PTPRN2: variants seen among roughly 807,000 people sequenced by gnomAD.
PTPRN2 encodes the protein receptor-type tyrosine-protein phosphatase N2.
A neutral mutation model predicts 118.8 loss-of-function variants in PTPRN2; 74 were observed. That is an observed-to-expected ratio of 0.62 (90% CI 0.52 to 0.76). The LOEUF is 0.76. PTPRN2 is among the 30% of genes least tolerant of loss of function. PTPRN2 has a pLI of 0.00. For synonymous variants in PTPRN2, 641 were observed against 608.0 expected (o/e 1.05, Z -0.80); for missense variants, 1,481 against 1,394.4 (o/e 1.06, Z -0.99).
intron 15 of PTPRN2, chr7:157,616,228 C>G (rs1006394208): frequency 6.5e-6 from 1 of 153,574 alleles, no homozygotes; most frequent in South Asian, 2.0e-4. Context: ...AGAAAGAGAG[C>G]AAAGAGGATC....
chr7:157,692,595 G>A (rs1201779550), intron 12 of PTPRN2, among the ~76,000 whole-genome samples: 1 of 152,224 alleles, frequency 6.6e-6, no homozygotes, highest in African/African-American at 2.4e-5. Context: ...TATTTATAGG[G>A]CAAGGCCAGA....
Position 157,610,855 on chromosome 7 carries a change from G to A in PTPRN2, c.2345-6780C>T, listed in dbSNP as rs1802288257. 6.6e-6 allele frequency among the ~76,000 whole-genome samples: 1 copy of A among 152,216 alleles called. No homozygotes were observed. The highest frequency in any genetic ancestry group is 2.4e-5 in the African/African-American group (1 of 41,452). ...ACATTCTGCTTCCAACTATGCCTTTGGGAAATGCTCAGCTCAAGCTATAAA... is the reference window on the plus strand; with the variant it reads ...ACATTCTGCTTCCAACTATGCCTTTAGGAAATGCTCAGCTCAAGCTATAAA... On this transcript the variant is annotated intron_variant, in intron 15 of 22. Coordinates refer to ENST00000389418, the MANE Select transcript of PTPRN2 (RefSeq NM_002847.5). The surrounding 1 kb of genome is among the most constrained non-coding windows in gnomAD (Gnocchi z 5.1).
intron 12 of PTPRN2, among the ~76,000 whole-genome samples, chr7:157,745,132 GT>G: frequency 6.6e-6 from 1 of 152,314 alleles, no homozygotes; most frequent in African/African-American, 2.4e-5. Context: ...AGCTCCAGGA[GT>G]GGCCACCCCA....
intron 12 of PTPRN2, among the ~76,000 whole-genome samples, chr7:157,723,106 T>C (rs534621248): frequency 1.0e-3 from 159 of 152,340 alleles, no homozygotes; most frequent in Non-Finnish European, 1.9e-3. Flanking sequence ...TTAAGTCACA[T>C]TCAGAAATTC....
chr7:158,188,087 A>G (rs1421901814), intron 5 of PTPRN2, among the ~76,000 whole-genome samples: 2 of 151,486 alleles, frequency 1.3e-5, no homozygotes, highest in Non-Finnish European at 2.9e-5. Flanking sequence ...ATGAACCCCC[A>G]GTGGCCCCGT....
In PTPRN2 at chr7:158,348,868, C is replaced by T. The variant is rs1186903283; in HGVS notation, c.164-31936G>A. On this transcript the variant is annotated intron_variant, in intron 2 of 22. Transcript: ENST00000389418. The stretch of plus-strand genomic sequence containing the variant: ...AGGAGGCAGTGCTGAGGGTGGCCCA[C>T]GTCACTGCACCCCTGGGTGGTCCCT... Among the ~76,000 whole-genome samples the T allele has an allele frequency of 4.6e-5, 7 of 152,126 alleles. No individual in the cohort carries two copies. The East Asian group carries it at 9.7e-4, about 21-fold the overall frequency.
chr7:158,159,490 G>A (rs2335850), intron 6 of PTPRN2, among the ~76,000 whole-genome samples: 94,531 of 152,164 alleles, frequency 0.62, 30,398 homozygotes, highest in East Asian at 0.79. Flanking sequence ...AAAGTCAGTC[G>A]TCATGATGTG....
intron 12 of PTPRN2, among the ~76,000 whole-genome samples, chr7:157,775,881 C>G (rs548827495): frequency 7.9e-5 from 12 of 152,194 alleles, no homozygotes; most frequent in South Asian, 2.1e-4. Context: ...TGTTCATGAC[C>G]TACAGTAACG....
intron 11 of PTPRN2, among the ~76,000 whole-genome samples, chr7:158,021,472 A>T (rs188445227): frequency 6.6e-6 from 1 of 152,324 alleles, no homozygotes; most frequent in East Asian, 1.9e-4. Flanking sequence ...GTATGCACCC[A>T]CGCACACGCA....
At chr7:158,341,423 A>T (rs1160584461) in intron 2 of PTPRN2, among the ~76,000 whole-genome samples, 7 of 149,400 alleles carry the variant, frequency 4.7e-5, no homozygotes, top group East Asian at 2.0e-4. Flanking sequence ...GAGGTCACTC[A>T]CACCCACACT....
intron 12 of PTPRN2, among the ~76,000 whole-genome samples, chr7:157,706,762 G>A (rs1189787109): frequency 2.6e-5 from 4 of 151,358 alleles, no homozygotes; most frequent in African/African-American, 9.7e-5. Context: ...GGATAAACGT[G>A]GACCACATCC....
At chr7:157,961,547 T>TA (rs1230915723) in intron 11 of PTPRN2, among the ~76,000 whole-genome samples, 1 of 150,540 alleles carries the variant, frequency 6.6e-6, no homozygotes, top group African/African-American at 2.4e-5. Flanking sequence ...AAAAAAAAAA[T>TA]TATAAAAAGT....
At chr7:158,518,855 G>C (rs777518930) in intron 1 of PTPRN2, among the ~76,000 whole-genome samples, 3 of 152,068 alleles carry the variant, frequency 2.0e-5, no homozygotes, top group South Asian at 4.1e-4. Flanking sequence ...CATGTTGCTG[G>C]GTGCCTGTAA....
At chr7:158,557,502 C>T (rs536455219) in intron 1 of PTPRN2, among the ~76,000 whole-genome samples, 2 of 152,376 alleles carry the variant, frequency 1.3e-5, no homozygotes, top group South Asian at 4.1e-4. Context: ...CTTGGCCCTG[C>T]AGGTACAAGC....
chr7:158,133,630 C>T (rs1158284271), intron 9 of PTPRN2, 47 bp downstream of exon 9: 1 of 1,515,602 alleles, frequency 6.6e-7, no homozygotes. Context: ...CCTGCTGGGA[C>T]AAGCCCTCCC....
rs1013141981 is a variant in PTPRN2, at chr7:158,273,461, CA to C, written c.277+43357del. On this transcript the variant is annotated intron_variant, in intron 3 of 22. Coordinates refer to ENST00000389418, the MANE Select transcript of PTPRN2 (RefSeq NM_002847.5). ...ACAGACGCGGGAGGAGCCGCAGACG[CA>C]GGGGGAGCCGCAGGCACAGGGGGAG... Among the ~76,000 whole-genome samples the C allele has an allele frequency of 2.2e-4, 27 of 121,228 alleles. 5 individuals are homozygous for C. Among genetic ancestry groups the C allele is most frequent in the Non-Finnish European group, 3.2e-4 (20 of 62,678 alleles). 79.5% of individuals were successfully genotyped at this position (121,228 alleles called of 152,430 possible).
intron 3 of PTPRN2, among the ~76,000 whole-genome samples, chr7:158,303,816 A>G (rs530877401): frequency 2.6e-5 from 4 of 152,258 alleles, no homozygotes; most frequent in African/African-American, 7.2e-5. Flanking sequence ...AGTTATTTTA[A>G]TATAACGTCA....
rs10236220 is a variant in PTPRN2 at position 157,915,566 on chromosome 7, C to T, written c.1724-16829G>A. Among the ~76,000 whole-genome samples the T allele has an allele frequency of 6.5e-3, 982 of 152,140 alleles. 12 individuals are homozygous for T. Among genetic ancestry groups the T allele is most frequent in the African/African-American group, 0.023 (940 of 41,498 alleles). On this transcript the variant is annotated intron_variant, in intron 11 of 22. Transcript: ENST00000389418. ...TCTATCATCGGTCACCATTACCCTG[C>T]AGTCATGGTTCTTGGGGGTCCCAGC...
intron 12 of PTPRN2, among the ~76,000 whole-genome samples, chr7:157,696,720 A>G (rs867018329): frequency 0.03 from 2,215 of 73,632 alleles, no homozygotes; most frequent in Middle Eastern, 0.058. Context: ...ACTGGGTCTT[A>G]GCAGAGCCCT....
Sources: gnomAD v4.1 joint callset for allele counts (sites outside exome capture counted in the v4.1 genomes callset) on GRCh38, gnomAD v4.1.1 for gene constraint, Gnocchi (gnomAD v3.1) non-coding constraint, MANE v1.5 for transcripts, NCBI Gene and HGNC (gene_info 2026-07-23, HGNC 2026-07-21) for gene names.